Variants in LGMN observed in about 807,000 individuals in gnomAD.
LGMN encodes legumain, also known as asparaginyl endopeptidase.
A neutral mutation model predicts 56.8 loss-of-function variants in LGMN; 36 were observed. The ratio of observed to expected loss-of-function variants is 0.63; its 90% CI spans 0.49 to 0.84. The LOEUF is 0.84. Among genes scored for constraint, LGMN ranks in the 40% least tolerant of loss-of-function variants. The pLI is 0.00. For synonymous variants in LGMN, 199 were observed against 210.1 expected (o/e 0.95, Z 0.46); for missense variants, 446 against 556.1 (o/e 0.80, Z 1.99).
intron 2 of LGMN, among the ~76,000 whole-genome samples, chr14:92,721,901 T>A (rs1372391381): frequency 6.6e-6 from 1 of 152,146 alleles, no homozygotes; most frequent in Non-Finnish European, 1.5e-5. Context: ...TAAAAACTTT[T>A]AAAAATACGC....
At chr14:92,716,565 G>A (rs998186432) in intron 4 of LGMN, among the ~76,000 whole-genome samples, 1 of 152,118 alleles carries the variant, frequency 6.6e-6, no homozygotes, top group Non-Finnish European at 1.5e-5. Context: ...CCCGGGAAGC[G>A]GAGGTTGCAG....
At chr14:92,727,714 T>A (rs965149631) in intron 2 of LGMN, among the ~76,000 whole-genome samples, 1 of 152,122 alleles carries the variant, frequency 6.6e-6, no homozygotes, top group Non-Finnish European at 1.5e-5. Flanking sequence ...CCCATCCCTC[T>A]CCTGATGGAC....
At chr14:92,727,505 G>A (rs542419737) in intron 2 of LGMN, among the ~76,000 whole-genome samples, 2 of 151,134 alleles carry the variant, frequency 1.3e-5, no homozygotes, top group Non-Finnish European at 2.9e-5. Context: ...CAACCCTGGA[G>A]TCTCCACACT....
chr14:92,711,736 T>C lies in LGMN; in HGVS notation c.742A>G (p.Lys248Glu). ...TGGTACTGCTTGTGCAGGGTCTCTT[T>C]AGTCAGATCTTCCTGCAAAAAGTGA... Reference protein sequence around the residue: ...MEDSDVEDLTKETLHKQYHLV... With the variant: ...MEDSDVEDLTEETLHKQYHLV... The change falls in exon 10 of 14, where the codon AAA becomes GAA. Residue 248 changes from lysine to glutamate, a missense_variant. Transcript: ENST00000334869. 6.2e-7 allele frequency: 1 copy of C among 1,614,174 alleles called. No homozygotes were observed. The highest frequency in any genetic ancestry group is 1.1e-5 in the South Asian group (1 of 91,082).
intron 1 of LGMN, among the ~76,000 whole-genome samples, chr14:92,737,219 T>C (rs183523815): frequency 6.6e-6 from 1 of 152,316 alleles, no homozygotes; most frequent in East Asian, 1.9e-4. Context: ...GGTTGAATTA[T>C]TTTTGTCTCT....
intron 5 of LGMN, chr14:92,715,878 G>A (rs1286926217): frequency 3.6e-6 from 1 of 274,850 alleles, no homozygotes; most frequent in South Asian, 4.7e-5. Flanking sequence ...CAAGGAACGA[G>A]GAGTTTAAGT....
At chr14:92,745,055 T>A (rs139202586) in intron 1 of LGMN, among the ~76,000 whole-genome samples, 189 of 152,326 alleles carry the variant, frequency 1.2e-3, no homozygotes, top group African/African-American at 4.0e-3. Flanking sequence ...CCCAGTACTC[T>A]GGGAGGCCGA....
At chr14:92,709,579 G>A in intron 11 of LGMN, 93 bp downstream of exon 11, 1 of 994,480 alleles carries the variant, frequency 1.0e-6, no homozygotes, top group Non-Finnish European at 1.6e-6. Flanking sequence ...CTCCTGTGTG[G>A]CAGGGAGCAT....
At chr14:92,720,592 G>A (rs1191548817) in intron 2 of LGMN, among the ~76,000 whole-genome samples, 1 of 152,240 alleles carries the variant, frequency 6.6e-6, no homozygotes, top group Non-Finnish European at 1.5e-5. Context: ...TCCTGAATGC[G>A]GGAGGCGGCG....
In LGMN at chr14:92,717,489, G is replaced by A. The variant is rs564049055; in HGVS notation, c.237-28C>T. ...GAAAATTAAAGGACACAATTTAAAC[G>A]AGATGTGGCATGCCTCCGAAATCTC... On this transcript the variant is annotated intron_variant, in intron 3 of 13. Transcript: ENST00000334869. 1.1e-4 allele frequency: 172 copies of A among 1,516,426 alleles called. 2 individuals are homozygous for A. The South Asian group carries it at 1.3e-3, about 11-fold the overall frequency. The allele number at this position is 1,516,426 out of a possible 1,614,324, so 93.9% of individuals were successfully genotyped here.
Position 92,738,809 on chromosome 14 carries a change from A to G in LGMN, c.-29-5994T>C, listed in dbSNP as rs565018997. Among the ~76,000 whole-genome samples, 129 of 151,796 alleles carry G rather than the reference A, an allele frequency of 8.5e-4. 3 individuals are homozygous for G. In the South Asian group the frequency reaches 0.025, roughly 29 times the overall value. ...GCCGAGGTGGGCAGATCGTGAGGTC[A>G]AGAGATTGAGACCATCCTGGCCAAC... On this transcript the variant is annotated intron_variant, in intron 1 of 13. Coordinates refer to ENST00000334869, the MANE Select transcript of LGMN (RefSeq NM_005606.7).
intron 2 of LGMN, among the ~76,000 whole-genome samples, chr14:92,729,475 C>CCCCA (rs1555399721): frequency 1.2e-5 from 1 of 86,000 alleles, no homozygotes; most frequent in Non-Finnish European, 2.4e-5. Flanking sequence ...ACGCCCCCCC[C>CCCCA]CCCCGCCCCC....
chr14:92,720,792 A>C (rs1248545540), intron 2 of LGMN, among the ~76,000 whole-genome samples: 1 of 152,248 alleles, frequency 6.6e-6, no homozygotes, highest in Non-Finnish European at 1.5e-5. Context: ...TTATTAAGAT[A>C]GCGGATGGAC....
chr14:92,735,310 G>A (rs770143393), intron 1 of LGMN, among the ~76,000 whole-genome samples: 3 of 152,112 alleles, frequency 2.0e-5, no homozygotes, highest in Non-Finnish European at 2.9e-5. Flanking sequence ...AGGTTCAAGC[G>A]ATTCTCCTGC....
At chr14:92,736,598 A>G (rs947230875) in intron 1 of LGMN, among the ~76,000 whole-genome samples, 1 of 152,202 alleles carries the variant, frequency 6.6e-6, no homozygotes, top group African/African-American at 2.4e-5. Flanking sequence ...CCTGTCTTAA[A>G]TAAATAAATA....
intron 2 of LGMN, among the ~76,000 whole-genome samples, chr14:92,719,242 A>ACCG (rs1566924052): frequency 4.4e-5 from 1 of 22,802 alleles, no homozygotes; most frequent in Non-Finnish European, 7.8e-5. Context: ...CACCGCCACC[A>ACCG]CCGCCACCAC....
chr14:92,722,556 C>T (rs1403557248), intron 2 of LGMN, among the ~76,000 whole-genome samples: 2 of 151,974 alleles, frequency 1.3e-5, no homozygotes, highest in Admixed American at 6.6e-5. Context: ...TGCACTCCAG[C>T]CTGGGCGACA....
chr14:92,730,088 G>C (rs1279974635), intron 2 of LGMN, among the ~76,000 whole-genome samples: 1 of 152,154 alleles, frequency 6.6e-6, no homozygotes, highest in African/African-American at 2.4e-5. Flanking sequence ...TAAAAATCAC[G>C]GTGGTTGATG....
chr14:92,718,695 T>C, intron 3 of LGMN, 52 bp downstream of exon 3: 1 of 1,259,668 alleles, frequency 7.9e-7, no homozygotes, highest in Non-Finnish European at 1.2e-6. Context: ...GTGACCTTTT[T>C]TTAAATACCC....
Sources: gnomAD v4.1 joint callset for allele counts (sites outside exome capture counted in the v4.1 genomes callset) on GRCh38, gnomAD v4.1.1 for gene constraint, MANE v1.5 for transcripts, NCBI Gene and HGNC (gene_info 2026-07-23, HGNC 2026-07-21) for gene names.